Variants in FHIT observed in about 807,000 individuals in gnomAD.
The protein encoded by FHIT is bis(5'-adenosyl)-triphosphatase.
Under a neutral mutation model 17.9 loss-of-function variants are expected in FHIT, and 19 were observed. The ratio of observed to expected loss-of-function variants is 1.06; its 90% CI spans 0.74 to 1.56. The LOEUF (loss-of-function observed/expected upper bound fraction) is 1.56. FHIT is among the 40% of genes most tolerant of loss of function. The pLI, the probability that FHIT is intolerant of heterozygous loss-of-function variation, is 0.00. For synonymous variants in FHIT, 81 were observed against 69.7 expected (o/e 1.16, Z -0.81); for missense variants, 248 against 189.2 (o/e 1.31, Z -1.82).
At chr3:60,462,320 C>T (rs2032524651) in intron 5 of FHIT, among the ~76,000 whole-genome samples, 1 of 151,968 alleles carries the variant, frequency 6.6e-6, no homozygotes, top group African/African-American at 2.4e-5. Context: ...CACTGAGGCA[C>T]AGAGTTGGCA....
At chr3:60,160,964 A>AT (rs1203625847) in intron 5 of FHIT, among the ~76,000 whole-genome samples, 1 of 152,196 alleles carries the variant, frequency 6.6e-6, no homozygotes, top group African/African-American at 2.4e-5. Flanking sequence ...CAAAAAAAAA[A>AT]GACGATTATG....
intron 4 of FHIT, among the ~76,000 whole-genome samples, chr3:60,737,768 G>A (rs2042163016): frequency 6.6e-6 from 1 of 152,134 alleles, no homozygotes; most frequent in Non-Finnish European, 1.5e-5. Flanking sequence ...AAAAGGATAA[G>A]TACGAGGTAT....
At chr3:60,722,386 G>C (rs2041826445) in intron 4 of FHIT, among the ~76,000 whole-genome samples, 2 of 152,190 alleles carry the variant, frequency 1.3e-5, no homozygotes. Context: ...GGCATAAAAG[G>C]TGAGGTAGTT....
intron 5 of FHIT, among the ~76,000 whole-genome samples, chr3:60,090,307 T>C (rs769767991): frequency 3.3e-5 from 5 of 152,214 alleles, no homozygotes; most frequent in Admixed American, 6.5e-5. Context: ...CCTCTCTTCA[T>C]ACCCATCACT....
chr3:61,140,610 G>T (rs972238627), intron 2 of FHIT, among the ~76,000 whole-genome samples: 10 of 152,102 alleles, frequency 6.6e-5, no homozygotes, highest in Admixed American at 5.9e-4. Context: ...AGAATGCCTG[G>T]ATACACCCTG....
At chr3:59,880,293 CTCTCCTCCCTG>C (rs1703355446) in intron 8 of FHIT, among the ~76,000 whole-genome samples, 1 of 152,146 alleles carries the variant, frequency 6.6e-6, no homozygotes, top group Non-Finnish European at 1.5e-5. Context: ...TCAGGGATCT[CTCTCCTCCCTG>C]GCTCCTTCCC....
intron 3 of FHIT, among the ~76,000 whole-genome samples, chr3:61,030,622 G>A (rs2032966143): frequency 6.6e-6 from 1 of 152,174 alleles, no homozygotes; most frequent in African/African-American, 2.4e-5. Context: ...TGGTGGGAAA[G>A]CAGATACAAT....
chr3:61,161,137 T>TAA lies in FHIT; in HGVS notation c.-164+39478_-164+39479dup, dbSNP rs201875023. 1.5e-3 allele frequency among the ~76,000 whole-genome samples: 199 copies of TAA among 133,350 alleles called. 1 individual carries two copies. The East Asian group carries it at 0.018, about 12-fold the overall frequency. The allele number at this position is 133,350 out of a possible 152,430, so 87.5% of individuals were successfully genotyped here. A position where few individuals can be genotyped will look rare whatever the true frequency, so the allele number is the denominator to read the frequency against. On this transcript the variant is annotated intron_variant, in intron 2 of 9. Coordinates refer to ENST00000492590, the MANE Select transcript of FHIT (RefSeq NM_002012.4). The stretch of plus-strand genomic sequence containing the variant: ...TCCTTTTAACTGAATCATCCACAGT[T>TAA]AAAAAAAAAAAAAAAAGATACAGAT...
intron 5 of FHIT, among the ~76,000 whole-genome samples, chr3:60,089,367 TG>T (rs1443321742): frequency 1.3e-5 from 2 of 152,158 alleles, no homozygotes; most frequent in Non-Finnish European, 2.9e-5. Flanking sequence ...ATGAGTTCTG[TG>T]GGGGAAGGAA....
At chr3:61,201,252 A>C (rs2039003286) in intron 1 of FHIT, among the ~76,000 whole-genome samples, 1 of 152,204 alleles carries the variant, frequency 6.6e-6, no homozygotes, top group Non-Finnish European at 1.5e-5. Context: ...ACAACTTGAC[A>C]TTTCAAATCA....
intron 4 of FHIT, among the ~76,000 whole-genome samples, chr3:60,585,833 A>C (rs781915836): frequency 2.6e-5 from 4 of 151,922 alleles, no homozygotes; most frequent in Non-Finnish European, 5.9e-5. Flanking sequence ...GCATTATTAC[A>C]GTTGTTTTAC....
intron 8 of FHIT, among the ~76,000 whole-genome samples, chr3:59,796,256 T>C (rs1264792587): frequency 6.6e-6 from 1 of 152,124 alleles, no homozygotes; most frequent in Non-Finnish European, 1.5e-5. Flanking sequence ...GAGAATGAAA[T>C]GCAAATCCCT....
At chr3:59,896,461 G>C (rs981718144) in intron 8 of FHIT, among the ~76,000 whole-genome samples, 6 of 152,240 alleles carry the variant, frequency 3.9e-5, no homozygotes, top group African/African-American at 7.2e-5. Flanking sequence ...CTGAAAATCA[G>C]AATAATAGAG....
intron 4 of FHIT, among the ~76,000 whole-genome samples, chr3:60,602,103 C>T (rs1355599647): frequency 6.6e-6 from 1 of 152,054 alleles, no homozygotes; most frequent in African/African-American, 2.4e-5. Context: ...AAACACTGGA[C>T]CGTAAAAAGA....
At chr3:60,136,780 T>G (rs1699835363) in intron 5 of FHIT, among the ~76,000 whole-genome samples, 1 of 152,180 alleles carries the variant, frequency 6.6e-6, no homozygotes, top group Non-Finnish European at 1.5e-5. Flanking sequence ...CACGAGGCCA[T>G]GTACCTTGTG....
intron 4 of FHIT, among the ~76,000 whole-genome samples, chr3:60,711,166 G>A (rs1249810789): frequency 6.6e-6 from 1 of 152,132 alleles, no homozygotes; most frequent in Non-Finnish European, 1.5e-5. Context: ...CACAAACAGG[G>A]TCTGGAGTGG....
rs140840378 is a variant in FHIT at position 61,097,275 on chromosome 3, C to T, written c.-163-55176G>A. The stretch of plus-strand genomic sequence containing the variant: ...TGGGTGCAGTCCACTGAGCGAGAGC[C>T]GAAGCAGGGCAAGGCATCGCCTCAC... On this transcript the variant is annotated intron_variant, in intron 2 of 9. Coordinates refer to ENST00000492590, the MANE Select transcript of FHIT (RefSeq NM_002012.4). 4.5e-3 allele frequency among the ~76,000 whole-genome samples: 687 copies of T among 152,124 alleles called. 5 individuals are homozygous for T. Among genetic ancestry groups the T allele is most frequent in the African/African-American group, 0.016 (657 of 41,488 alleles).
intron 5 of FHIT, among the ~76,000 whole-genome samples, chr3:60,396,961 AG>A (rs1365575336): frequency 2.6e-5 from 4 of 152,136 alleles, no homozygotes; most frequent in Non-Finnish European, 5.9e-5. Context: ...GGATGTGGGA[AG>A]GGGCTTTATT....
At chr3:60,996,471 G>A (rs1197830512) in intron 3 of FHIT, among the ~76,000 whole-genome samples, 1 of 152,250 alleles carries the variant, frequency 6.6e-6, no homozygotes, top group African/African-American at 2.4e-5. Context: ...TCTTAATTGT[G>A]GCATTTTGTT....
Sources: gnomAD v4.1 joint callset for allele counts (sites outside exome capture counted in the v4.1 genomes callset) on GRCh38, gnomAD v4.1.1 for gene constraint, MANE v1.5 for transcripts, NCBI Gene and HGNC (gene_info 2026-07-23, HGNC 2026-07-21) for gene names.